ITSN2: variants seen among roughly 807,000 people sequenced by gnomAD.
ITSN2 encodes intersectin-2.
ITSN2 carries 156 observed loss-of-function variants against 243.7 expected under a neutral mutation model. The ratio of observed to expected loss-of-function variants is 0.64; its 90% CI spans 0.56 to 0.73. The LOEUF (loss-of-function observed/expected upper bound fraction) is 0.73. Among genes scored for constraint, ITSN2 ranks in the 30% least tolerant of loss-of-function variants. The pLI, the probability that ITSN2 is intolerant of heterozygous loss-of-function variation, is 0.00. For synonymous variants in ITSN2, 703 were observed against 699.9 expected (o/e 1.00, Z -0.07); for missense variants, 1,801 against 1,996.1 (o/e 0.90, Z 1.86).
At chr2:24,290,618 CTAATT>C (rs1680124882) in intron 15 of ITSN2, among the ~76,000 whole-genome samples, 1 of 152,102 alleles carries the variant, frequency 6.6e-6, no homozygotes, top group African/African-American at 2.4e-5. Context: ...GTTTAGCCTC[CTAATT>C]TATCTAGAAT....
At chr2:24,302,313 C>T (rs571647782) in intron 9 of ITSN2, among the ~76,000 whole-genome samples, 1 of 152,182 alleles carries the variant, frequency 6.6e-6, no homozygotes, top group African/African-American at 2.4e-5. Flanking sequence ...ATTCTCCTGC[C>T]TCAGTCTCCC....
At chr2:24,220,833 A>G in intron 30 of ITSN2, 112 bp downstream of exon 30, 2 of 1,465,952 alleles carry the variant, frequency 1.4e-6, no homozygotes, top group Non-Finnish European at 1.8e-6. Flanking sequence ...TCACACATCA[A>G]AAGTGATGCC....
At chr2:24,307,700 A>T (rs1251003144) in intron 8 of ITSN2, among the ~76,000 whole-genome samples, 2 of 152,210 alleles carry the variant, frequency 1.3e-5, no homozygotes, top group African/African-American at 4.8e-5. Flanking sequence ...ATCGATTCCA[A>T]AAGTCTTACT....
At chr2:24,283,017 C>CAA (rs765516566) in intron 17 of ITSN2, among the ~76,000 whole-genome samples, 5 of 101,128 alleles carry the variant, frequency 4.9e-5, no homozygotes, top group Admixed American at 1.0e-4. Context: ...TTTCTTAAAC[C>CAA]AAAAAAAAAA....
chr2:24,358,100 G>A (rs1013445479), intron 1 of ITSN2, among the ~76,000 whole-genome samples: 2 of 152,138 alleles, frequency 1.3e-5, no homozygotes, highest in African/African-American at 4.8e-5. Flanking sequence ...TTTTTTAGTA[G>A]AGACAGGATT....
At chr2:24,303,915 G>A (rs948049453) in intron 8 of ITSN2, 53 bp from the exon 9 acceptor site, 1 of 1,191,222 alleles carries the variant, frequency 8.4e-7, no homozygotes, top group Non-Finnish European at 1.3e-6. Context: ...TTAAAGTTAT[G>A]CATAACAAAT....
rs1053412681 is a variant in ITSN2 at position 24,345,684 on chromosome 2, T to G, written c.-34+14620A>C. On this transcript the variant is annotated intron_variant, in intron 1 of 39. Transcript: ENST00000355123. Reference sequence around the variant, plus strand: ...AAAATACCCAGTGCTGTTAACAACATGACCTGTATCCACGGATCTTTTTCT... The same window carrying G: ...AAAATACCCAGTGCTGTTAACAACAGGACCTGTATCCACGGATCTTTTTCT... Among the ~76,000 whole-genome samples, 6 of 151,864 alleles carry G rather than the reference T, an allele frequency of 4.0e-5. No homozygotes were observed. The East Asian group carries it at 1.2e-3, about 31-fold the overall frequency.
chr2:24,207,998 T>C (rs1216487602), intron 37 of ITSN2, among the ~76,000 whole-genome samples: 2 of 151,398 alleles, frequency 1.3e-5, no homozygotes, highest in African/African-American at 4.9e-5. Context: ...GTGGGGGGGA[T>C]AGAGGTGGTG....
chr2:24,260,301 C>T (rs1024619422), intron 22 of ITSN2, among the ~76,000 whole-genome samples: 6 of 151,980 alleles, frequency 3.9e-5, no homozygotes, highest in African/African-American at 1.5e-4. Flanking sequence ...ATGGCCATGG[C>T]ATTTTTTGAG....
Position 24,295,695 on chromosome 2 carries a change from A to G in ITSN2, c.1604T>C (p.Met535Thr), listed in dbSNP as rs750597212. The change falls in exon 14 of 40, where the codon ATG becomes ACG. Residue 535 changes from methionine (M) to threonine (T), a missense_variant. Physicochemically the swap from Met to Thr is moderately conservative, Grantham distance 81. Transcript: ENST00000355123. The part of the protein sequence containing the change: ...VLDKQCDLEI[M>T]EIKQLQQELQ... ...TTCCTGTTGAAGTTGCTTGATTTCCATAATTTCCAAGTCACACTGCTTATC... is the reference window on the plus strand; with the variant it reads ...TTCCTGTTGAAGTTGCTTGATTTCCGTAATTTCCAAGTCACACTGCTTATC... 3.2e-6 allele frequency: 5 copies of G among 1,547,422 alleles called. No homozygotes were observed. The highest frequency in any genetic ancestry group is 4.7e-5 in the Admixed American group (2 of 42,876).
At chr2:24,308,568 C>CCA in intron 8 of ITSN2, 49 bp downstream of exon 8, 1 of 1,193,024 alleles carries the variant, frequency 8.4e-7, no homozygotes, top group Non-Finnish European at 1.1e-6. Context: ...CAGTGGAAGT[C>CCA]CACATAAAAG....
At chr2:24,250,884 A>G (rs1674004691) in intron 25 of ITSN2, among the ~76,000 whole-genome samples, 7 of 152,152 alleles carry the variant, frequency 4.6e-5, no homozygotes, top group Admixed American at 4.6e-4. Context: ...AAAGTAGCTG[A>G]CTTAATTAAG....
At chr2:24,253,262 A>C (rs190613558) in intron 24 of ITSN2, among the ~76,000 whole-genome samples, 5 of 152,272 alleles carry the variant, frequency 3.3e-5, no homozygotes, top group Non-Finnish European at 7.4e-5. Flanking sequence ...ACGATGAGAA[A>C]CACCACCTAC....
Position 24,246,286 on chromosome 2 carries a change from T to G in ITSN2, c.3420A>C (p.Ala1140=). 6.2e-7 allele frequency: 1 copy of G among 1,612,148 alleles called. No homozygotes were observed. The highest frequency in any genetic ancestry group is 1.1e-5 in the South Asian group (1 of 90,966). The change falls in exon 29 of 40, where the codon GCA becomes GCC. Residue 1140 remains alanine (A), a synonymous_variant. Transcript: ENST00000355123. The part of the protein sequence containing the change: ...CQVIAMYDYA[A]NNEDELSFSK... The stretch of plus-strand genomic sequence containing the variant: ...AGAAACTGAGCTCATCTTCATTATT[T>G]GCTGCATAGTCATACATAGCAATCA...
chr2:24,316,923 C>G (rs1170158425), intron 2 of ITSN2, among the ~76,000 whole-genome samples: 1 of 152,150 alleles, frequency 6.6e-6, no homozygotes, highest in African/African-American at 2.4e-5. Context: ...AAAGCTTGAC[C>G]CACGAAGGCC....
intron 17 of ITSN2, among the ~76,000 whole-genome samples, chr2:24,281,588 T>C (rs754832165): frequency 1.3e-5 from 2 of 152,242 alleles, no homozygotes; most frequent in African/African-American, 2.4e-5. Flanking sequence ...CAGCTGAACA[T>C]TGGTGAGGCA....
intron 19 of ITSN2, among the ~76,000 whole-genome samples, chr2:24,271,003 C>T (rs1325076782): frequency 6.6e-6 from 1 of 151,996 alleles, no homozygotes; most frequent in Non-Finnish European, 1.5e-5. Flanking sequence ...AGATGACTTG[C>T]GGGATGAAGC....
intron 1 of ITSN2, among the ~76,000 whole-genome samples, chr2:24,345,749 T>C (rs1687467572): frequency 6.6e-6 from 1 of 151,882 alleles, no homozygotes; most frequent in Admixed American, 6.5e-5. Context: ...TAGTAAGCTT[T>C]TACCTGTAAC....
At position 24,254,293 on chromosome 2, in the gene ITSN2, A is replaced by G. The variant is rs1466292504; in HGVS notation, c.2953+74T>C. The G allele has an allele frequency of 4.2e-6, 4 of 962,410 alleles. No individual in the cohort carries two copies. The African/African-American group carries it at 6.4e-5, about 15-fold the overall frequency. The allele number at this position is 962,410 out of a possible 1,614,324, so 59.6% of individuals were successfully genotyped here. On this transcript the variant is annotated intron_variant, in intron 24 of 39. Transcript: ENST00000355123. ...AATATGCAACTATGTGAAGAACAGC[A>G]ACTATGTGAAGTCAGGTAGTTAGTC...
Sources: gnomAD v4.1 joint callset for allele counts (sites outside exome capture counted in the v4.1 genomes callset) on GRCh38, gnomAD v4.1.1 for gene constraint, MANE v1.5 for transcripts, NCBI Gene and HGNC (gene_info 2026-07-23, HGNC 2026-07-21) for gene names.